The following GPATCH2L variants were observed in gnomAD, a reference collection of about 807,000 sequenced individuals.
GPATCH2L encodes the protein G patch domain-containing protein 2-like.
Under a neutral mutation model 57.4 loss-of-function variants are expected in GPATCH2L, and 31 were observed. The observed-to-expected ratio is 0.54, with a 90% CI of 0.41 to 0.73. The LOEUF is 0.73. Ranked by LOEUF, GPATCH2L falls within the 30% of genes least tolerant of loss-of-function variation. The pLI, the probability that GPATCH2L is intolerant of heterozygous loss-of-function variation, is 0.00. For synonymous variants in GPATCH2L, 199 were observed against 210.7 expected, an observed-to-expected ratio of 0.94 and a Z score of 0.48; for missense variants, 481 against 599.9, an observed-to-expected ratio of 0.80 and a Z score of 2.07.
At chr14:76,192,235 A>G (rs914850797) in intron 8 of GPATCH2L, among the ~76,000 whole-genome samples, 1 of 151,218 alleles carries the variant, frequency 6.6e-6, no homozygotes, top group Admixed American at 6.6e-5. Flanking sequence ...GGGACTTCAC[A>G]TAGAAAAATA....
rs2040457563 is a variant in GPATCH2L, at chr14:76,212,891, T to C, written c.*11040T>C. 1 of 152,134 alleles carries C rather than the reference T, an allele frequency of 6.6e-6. No homozygotes were observed. Among genetic ancestry groups the C allele is most frequent in the Non-Finnish European group, 1.5e-5 (1 of 68,014 alleles). 9.4% of individuals were successfully genotyped at this position (152,134 alleles called of 1,614,324 possible). A position where few individuals can be genotyped will look rare whatever the true frequency, so the allele number is the denominator to read the frequency against. On this transcript the variant is annotated 3_prime_UTR_variant, in exon 10 of 10. Transcript: ENST00000261530. ...CTGCTCATCTGCAATCCAAAATGTTTTTAAGCTCTTCAACTATTCTTGGGT... is the reference window on the plus strand; with the variant it reads ...CTGCTCATCTGCAATCCAAAATGTTCTTAAGCTCTTCAACTATTCTTGGGT...
intron 2 of GPATCH2L, among the ~76,000 whole-genome samples, chr14:76,160,921 A>G (rs1298054170): frequency 1.3e-5 from 2 of 152,254 alleles, no homozygotes; most frequent in African/African-American, 2.4e-5. Context: ...TCTGCAAAGT[A>G]TACCTGATTG....
At chr14:76,186,158 A>G (rs1431526382) in intron 8 of GPATCH2L, among the ~76,000 whole-genome samples, 1 of 152,130 alleles carries the variant, frequency 6.6e-6, no homozygotes, top group African/African-American at 2.4e-5. Context: ...TGGCTTCCAG[A>G]GTCATTTGCT....
Position 76,154,160 on chromosome 14 carries a change from T to C in GPATCH2L, c.-10-194T>C. ...CAAGGGACAAAACATCTATTTTTAG[T>C]GACTTAAGGAAGTGGTAGGAACAGA... On this transcript the variant is annotated intron_variant, in intron 1 of 9. Coordinates refer to ENST00000261530, the MANE Select transcript of GPATCH2L (RefSeq NM_017926.4). The surrounding 1 kb of genome is among the most constrained non-coding windows in gnomAD (Gnocchi z 4.4). The C allele has an allele frequency of 2.1e-6, 1 of 485,788 alleles. No individual in the cohort carries two copies. Among genetic ancestry groups the C allele is most frequent in the Non-Finnish European group, 3.6e-6 (1 of 276,068 alleles). The allele number at this position is 485,788 out of a possible 1,614,324, so 30.1% of individuals were successfully genotyped here.
intron 8 of GPATCH2L, among the ~76,000 whole-genome samples, chr14:76,194,020 T>G (rs2040068242): frequency 6.6e-6 from 1 of 152,100 alleles, no homozygotes; most frequent in South Asian, 2.1e-4. Context: ...AGAAACACAA[T>G]TTTGTAGTGT....
intron 1 of GPATCH2L, among the ~76,000 whole-genome samples, chr14:76,222,076 A>T (rs558065056): frequency 6.6e-6 from 1 of 152,176 alleles, no homozygotes; most frequent in Admixed American, 6.5e-5. Flanking sequence ...AAGAAGGTAT[A>T]TGGGAATTCT....
chr14:76,221,042 T>G (rs976064454), intron 1 of GPATCH2L, among the ~76,000 whole-genome samples: 26 of 147,906 alleles, frequency 1.8e-4, no homozygotes, highest in African/African-American at 5.9e-4. Flanking sequence ...CAAGACTGAT[T>G]TAAAAAAAAA....
intron 8 of GPATCH2L, among the ~76,000 whole-genome samples, chr14:76,188,139 T>G (rs2039839030): frequency 6.6e-6 from 1 of 152,148 alleles, no homozygotes; most frequent in African/African-American, 2.4e-5. Flanking sequence ...TTAGGTTGCT[T>G]CCGAATTTTG....
intron 3 of GPATCH2L, 26 bp downstream of exon 3, chr14:76,166,753 C>G (rs1239441312): frequency 1.3e-6 from 2 of 1,504,828 alleles, no homozygotes; most frequent in Admixed American, 3.3e-5. Flanking sequence ...GCTTTGGGAC[C>G]TTGGTTCCGT....
chr14:76,157,931 A>T (rs2038387711), intron 2 of GPATCH2L, among the ~76,000 whole-genome samples: 1 of 152,106 alleles, frequency 6.6e-6, no homozygotes, highest in African/African-American at 2.4e-5. Flanking sequence ...TATTATTTTA[A>T]TATTTTTCTG....
intron 2 of GPATCH2L, chr14:76,230,186 A>G (rs2040554605): frequency 6.6e-6 from 1 of 152,236 alleles, no homozygotes; most frequent in African/African-American, 2.4e-5. Context: ...GAAGGGGAGT[A>G]AGAAGCCCTT....
At chr14:76,182,477 T>C (rs2039607553) in intron 8 of GPATCH2L, among the ~76,000 whole-genome samples, 1 of 148,452 alleles carries the variant, frequency 6.7e-6, no homozygotes, top group East Asian at 2.0e-4. Context: ...TCTCAGCTAC[T>C]TGGGAGGCTG....
intron 2 of GPATCH2L, among the ~76,000 whole-genome samples, chr14:76,160,460 A>G (rs1387912525): frequency 6.6e-6 from 1 of 152,218 alleles, no homozygotes; most frequent in Non-Finnish European, 1.5e-5. Flanking sequence ...GTAGCTCTAA[A>G]CAAAGAGACC....
At chr14:76,191,583 G>A (rs766177270) in intron 8 of GPATCH2L, among the ~76,000 whole-genome samples, 5 of 151,902 alleles carry the variant, frequency 3.3e-5, no homozygotes, top group Non-Finnish European at 7.4e-5. Flanking sequence ...CTTGCTCTAA[G>A]CACCCAACTT....
chr14:76,168,563 G>A (rs1196411725), intron 3 of GPATCH2L, among the ~76,000 whole-genome samples: 3 of 152,206 alleles, frequency 2.0e-5, no homozygotes, highest in Non-Finnish European at 4.4e-5. Flanking sequence ...GGGACCTAGG[G>A]TGGAGGAGCA....
intron 8 of GPATCH2L, among the ~76,000 whole-genome samples, chr14:76,186,811 A>C (rs1337425464): frequency 1.3e-5 from 2 of 152,136 alleles, no homozygotes; most frequent in Non-Finnish European, 2.9e-5. Flanking sequence ...CTGATGTGAA[A>C]TGATTTGGCT....
intron 1 of GPATCH2L, among the ~76,000 whole-genome samples, 169 bp downstream of exon 1, chr14:76,152,160 T>A (rs909495114): frequency 1.3e-5 from 2 of 152,090 alleles, no homozygotes; most frequent in Non-Finnish European, 2.9e-5. Flanking sequence ...TCCCCATCCC[T>A]GGGGATGTGG....
chr14:76,228,235 A>G (rs2040544500), intron 1 of GPATCH2L, among the ~76,000 whole-genome samples: 1 of 151,916 alleles, frequency 6.6e-6, no homozygotes, highest in Non-Finnish European at 1.5e-5. Context: ...CCCAGAAGGA[A>G]CAAAAATTCC....
In GPATCH2L at chr14:76,204,836, A is replaced by G. The variant is rs1045919513; in HGVS notation, c.*2985A>G. ...GTGTTTTCCACGATGGGCAGAAGTC[A>G]GAACATTATCTGCTTCTGTGAGGAT... On this transcript the variant is annotated 3_prime_UTR_variant, in exon 10 of 10. Transcript: ENST00000261530. 1.3e-5 allele frequency: 2 copies of G among 152,262 alleles called. No individual in the cohort carries two copies. The highest frequency in any genetic ancestry group is 1.3e-4 in the Admixed American group (2 of 15,290). The allele number at this position is 152,262 out of a possible 1,614,324, so 9.4% of individuals were successfully genotyped here.
Sources: allele counts gnomAD v4.1 joint callset (sites outside exome capture counted in the v4.1 genomes callset), GRCh38; gene constraint gnomAD v4.1.1; non-coding constraint Gnocchi (gnomAD v3.1); transcripts MANE v1.5; gene names NCBI Gene and HGNC (gene_info 2026-07-23, HGNC 2026-07-21).